Variants in FHOD3 observed in about 807,000 individuals in gnomAD.
The protein encoded by FHOD3 is formin homology 2 domain containing 3.
FHOD3 carries 90 observed loss-of-function variants against 173.0 expected under a neutral mutation model. The observed-to-expected ratio is 0.52, with a 90% CI of 0.44 to 0.62. The LOEUF (loss-of-function observed/expected upper bound fraction) is 0.62, where lower values mean the gene tolerates loss of function less well. Ranked by LOEUF, FHOD3 falls within the 20% of genes least tolerant of loss-of-function variation. FHOD3 has a pLI of 0.00. For missense variants in FHOD3, 1,945 were observed against 2,034.7 expected (o/e 0.96, Z 0.85); for synonymous variants, 828 against 823.0 (o/e 1.01, Z -0.10).
chr18:36,541,661 A>G (rs1212120748), intron 5 of FHOD3, among the ~76,000 whole-genome samples: 2 of 152,248 alleles, frequency 1.3e-5, no homozygotes, highest in African/African-American at 4.8e-5. Flanking sequence ...AGTAGTCAGT[A>G]AAATGCAGAA....
intron 15 of FHOD3, among the ~76,000 whole-genome samples, chr18:36,683,920 G>A (rs2038425252): frequency 6.6e-6 from 1 of 152,196 alleles, no homozygotes; most frequent in African/African-American, 2.4e-5. Flanking sequence ...TATGCAGCAG[G>A]ACAGGGAAAG....
At chr18:36,302,046 G>A (rs958651564) in intron 1 of FHOD3, among the ~76,000 whole-genome samples, 1 of 152,210 alleles carries the variant, frequency 6.6e-6, no homozygotes, top group African/African-American at 2.4e-5. Context: ...GCTCATAGAA[G>A]GAGAGACCAA....
intron 1 of FHOD3, among the ~76,000 whole-genome samples, chr18:36,336,899 C>T (rs1356718312): frequency 2.1e-5 from 3 of 141,802 alleles, no homozygotes; most frequent in Non-Finnish European, 3.0e-5. Flanking sequence ...ATGTCGAGCA[C>T]GGTGGCTCAC....
Position 36,297,955 on chromosome 18 carries a change from C to T in FHOD3, c.120C>T (p.Gly40=), listed in dbSNP as rs886484615. 2.3e-5 allele frequency: 36 copies of T among 1,566,178 alleles called. No individual in the cohort carries two copies. The highest frequency in any genetic ancestry group is 3.0e-5 in the Non-Finnish European group (35 of 1,157,396). ...CGTTCCGCGAGGACCTCGCGCTCGG[C>T]ACCCAGCTGGCGGGGGTCCATAGGC... The part of the protein sequence containing the change: ...LFTFREDLAL[G]TQLAGVHRLL... Residue 40 remains glycine (G), a synonymous_variant, in exon 1 of 29, where the codon GGC becomes GGT. Coordinates refer to ENST00000590592, the MANE Select transcript of FHOD3 (RefSeq NM_001281740.3).
chr18:36,623,881 G>A (rs1484592134), intron 9 of FHOD3, among the ~76,000 whole-genome samples: 1 of 152,170 alleles, frequency 6.6e-6, no homozygotes, highest in Non-Finnish European at 1.5e-5. Context: ...GATGACAGTG[G>A]CTAACCTGGC....
Position 36,747,070 on chromosome 18 carries a change from G to T in FHOD3, c.4167G>T (p.Glu1389Asp). Reference sequence around the variant, plus strand: ...CAGTTTTAAAACAACGGATGTCAGAGTTCCTGAAAGACTGTGCAGAGCGAA... The same window carrying T: ...CAGTTTTAAAACAACGGATGTCAGATTTCCTGAAAGACTGTGCAGAGCGAA... ...MKPVLKQRMS[E>D]FLKDCAERII... Residue 1389 changes from glutamate (E) to aspartate (D), a missense_variant, in exon 24 of 29, where the codon GAG becomes GAT. Transcript: ENST00000590592. The T allele has an allele frequency of 6.2e-7, 1 of 1,614,130 alleles. No homozygotes were observed. Among genetic ancestry groups the T allele is most frequent in the Non-Finnish European group, 8.5e-7 (1 of 1,180,018 alleles).
intron 6 of FHOD3, among the ~76,000 whole-genome samples, chr18:36,585,985 C>G (rs1353144494): frequency 6.6e-6 from 1 of 152,334 alleles, no homozygotes; most frequent in East Asian, 1.9e-4. Context: ...ACTCTCTACT[C>G]TAGCCCCCAT....
intron 3 of FHOD3, among the ~76,000 whole-genome samples, chr18:36,431,524 G>T (rs2050550857): frequency 1.3e-5 from 2 of 152,206 alleles, no homozygotes; most frequent in Admixed American, 6.5e-5. Flanking sequence ...GAGGTTGCTG[G>T]TGGACAGATT....
At chr18:36,631,995 G>A (rs2034549381) in intron 10 of FHOD3, among the ~76,000 whole-genome samples, 1 of 151,920 alleles carries the variant, frequency 6.6e-6, no homozygotes. Context: ...ATTTTGCTAT[G>A]GCTTGGTTCC....
chr18:36,733,635 A>C (rs531388416), intron 20 of FHOD3, among the ~76,000 whole-genome samples: 1 of 152,256 alleles, frequency 6.6e-6, no homozygotes, highest in Admixed American at 6.5e-5. Flanking sequence ...CCAAATTATT[A>C]TTTTTTCTTG....
intron 5 of FHOD3, among the ~76,000 whole-genome samples, chr18:36,558,156 CT>C (rs924998389): frequency 1.3e-5 from 2 of 152,096 alleles, no homozygotes; most frequent in Non-Finnish European, 2.9e-5. Context: ...TTTTCAGGCT[CT>C]TTTTTTCTAG....
intron 3 of FHOD3, among the ~76,000 whole-genome samples, chr18:36,466,519 G>C (rs1359589495): frequency 6.6e-6 from 1 of 152,118 alleles, no homozygotes; most frequent in Non-Finnish European, 1.5e-5. Context: ...CGTTGGTTTT[G>C]GGCTTTTAAA....
chr18:36,714,161 G>A (rs1399861251), intron 18 of FHOD3, among the ~76,000 whole-genome samples: 2 of 152,184 alleles, frequency 1.3e-5, no homozygotes, highest in African/African-American at 2.4e-5. Flanking sequence ...AAATTACTAA[G>A]GACAAAGAGG....
In FHOD3 at chr18:36,718,365, C is replaced by CA; in HGVS notation, c.3067_3068insA (p.Pro1023HisfsTer30). On this transcript the variant is annotated frameshift_variant, in exon 19 of 29. Transcript: ENST00000590592. LOFTEE classifies it high-confidence loss of function. ...TCACAGGGAGGCCCCTGGGCCACCT[C>CA]CCCCACCCCCACCCACCTTTCTGGG... 7 of 1,241,706 alleles carry CA rather than the reference C, an allele frequency of 5.6e-6. No individual in the cohort carries two copies. The highest frequency in any genetic ancestry group is 3.9e-5 in the Admixed American group (2 of 51,292). The allele number at this position is 1,241,706 out of a possible 1,614,324, so 76.9% of individuals were successfully genotyped here. A position where few individuals can be genotyped will look rare whatever the true frequency, so the allele number is the denominator to read the frequency against.
intron 1 of FHOD3, among the ~76,000 whole-genome samples, chr18:36,337,629 T>G (rs1055348419): frequency 6.6e-6 from 1 of 152,146 alleles, no homozygotes; most frequent in Non-Finnish European, 1.5e-5. Flanking sequence ...GGACCATGCT[T>G]GTGTTTTTTT....
At chr18:36,445,830 G>T (rs979471998) in intron 3 of FHOD3, among the ~76,000 whole-genome samples, 2 of 152,178 alleles carry the variant, frequency 1.3e-5, no homozygotes, top group African/African-American at 4.8e-5. Context: ...CTCCCTCGCT[G>T]CGGTCAGCCA....
intron 6 of FHOD3, 71 bp from the exon 7 acceptor site, chr18:36,594,716 G>T: frequency 9.4e-7 from 1 of 1,060,942 alleles, no homozygotes; most frequent in South Asian, 1.4e-5. Context: ...TGCCCGCTGC[G>T]GTTAGGAAGA....
In FHOD3 at chr18:36,723,588, T is replaced by G. The variant is rs535889470; in HGVS notation, c.3417+4873T>G. 1.1e-4 allele frequency among the ~76,000 whole-genome samples: 16 copies of G among 152,248 alleles called. No individual in the cohort carries two copies. In the South Asian group the frequency reaches 3.3e-3, roughly 32 times the overall value. On this transcript the variant is annotated intron_variant, in intron 19 of 28. Transcript: ENST00000590592. ...TTGGCAGGGAGCGAGGAGGGATGATTTACCATTTCTAGAACTTCTGCCTCT... is the reference window on the plus strand; with the variant it reads ...TTGGCAGGGAGCGAGGAGGGATGATGTACCATTTCTAGAACTTCTGCCTCT...
chr18:36,511,047 C>A (rs1005659720), intron 4 of FHOD3, among the ~76,000 whole-genome samples: 1 of 152,194 alleles, frequency 6.6e-6, no homozygotes, highest in African/African-American at 2.4e-5. Flanking sequence ...TATGCCAGTT[C>A]ATCTACATTA....
Sources: allele counts gnomAD v4.1 joint callset (sites outside exome capture counted in the v4.1 genomes callset), GRCh38; gene constraint gnomAD v4.1.1; transcripts MANE v1.5; gene names NCBI Gene and HGNC (gene_info 2026-07-23, HGNC 2026-07-21).